The following CSMD1 variants were observed in gnomAD, a reference collection of about 807,000 sequenced individuals.
The protein encoded by CSMD1 is CUB and Sushi multiple domains 1, also known as CUB and sushi domain-containing protein 1.
CSMD1 carries 213 observed loss-of-function variants against 417.5 expected under a neutral mutation model. The observed-to-expected ratio is 0.51, with a 90% CI of 0.46 to 0.57. The LOEUF is 0.57. Ranked by LOEUF, CSMD1 falls within the 20% of genes least tolerant of loss-of-function variation. CSMD1 has a pLI of 0.00. For synonymous variants in CSMD1, 2,862 were observed against 1,736.8 expected (o/e 1.65, Z -16.11); for missense variants, 6,923 against 4,529.7 (o/e 1.53, Z -15.17).
chr8:4,070,748 C>G (rs921603452), intron 3 of CSMD1, among the ~76,000 whole-genome samples: 7 of 152,168 alleles, frequency 4.6e-5, no homozygotes, highest in Admixed American at 3.9e-4. Flanking sequence ...TCAGCATTTC[C>G]TCCACCACGA....
chr8:3,505,013 G>A (rs1392405618), intron 10 of CSMD1, among the ~76,000 whole-genome samples: 3 of 66,482 alleles, frequency 4.5e-5, no homozygotes, highest in African/African-American at 2.5e-4. Flanking sequence ...TGGAGAAACA[G>A]TTAAAAAAAA....
chr8:3,562,335 C>T (rs1347270648), intron 10 of CSMD1, among the ~76,000 whole-genome samples: 2 of 102,716 alleles, frequency 1.9e-5, no homozygotes, highest in East Asian at 5.1e-4. Flanking sequence ...CCTCTATCTG[C>T]ATCTTGGTCA....
At chr8:4,439,233 A>G in intron 2 of CSMD1, among the ~76,000 whole-genome samples, 1 of 152,282 alleles carries the variant, frequency 6.6e-6, no homozygotes, top group South Asian at 2.1e-4. Context: ...ACTTTATATG[A>G]AATATATTGC....
chr8:4,176,225 T>C (rs567086385), intron 3 of CSMD1, among the ~76,000 whole-genome samples: 2 of 152,072 alleles, frequency 1.3e-5, no homozygotes, highest in Admixed American at 6.5e-5. Context: ...GTAGGCTATA[T>C]AGCTTATGTA....
chr8:3,738,207 T>C (rs1406621226), intron 6 of CSMD1, among the ~76,000 whole-genome samples: 2 of 152,180 alleles, frequency 1.3e-5, no homozygotes, highest in African/African-American at 2.4e-5. Context: ...AAATAAATTA[T>C]ATGAAGTAGT....
chr8:4,035,399 A>AG (rs1161440605), intron 3 of CSMD1, among the ~76,000 whole-genome samples: 3 of 152,206 alleles, frequency 2.0e-5, no homozygotes, highest in Non-Finnish European at 2.9e-5. Flanking sequence ...TACTAAAAAA[A>AG]AATTACGATT....
At chr8:4,747,521 C>T (rs1274873607) in intron 1 of CSMD1, among the ~76,000 whole-genome samples, 1 of 152,152 alleles carries the variant, frequency 6.6e-6, no homozygotes, top group African/African-American at 2.4e-5. Flanking sequence ...CAAAGCAAAT[C>T]ACTACACTGA....
intron 3 of CSMD1, among the ~76,000 whole-genome samples, chr8:4,254,816 C>T (rs1470387072): frequency 6.6e-6 from 1 of 152,126 alleles, no homozygotes; most frequent in Admixed American, 6.5e-5. Flanking sequence ...CACCCCAGAG[C>T]CTAGGTGTGC....
intron 23 of CSMD1, among the ~76,000 whole-genome samples, chr8:3,331,211 C>A (rs1247820400): frequency 6.9e-6 from 1 of 145,048 alleles, no homozygotes; most frequent in African/African-American, 2.7e-5. Context: ...GCACTCCAGC[C>A]TGGCCGACAG....
chr8:3,768,831 G>C (rs553233889), intron 5 of CSMD1, among the ~76,000 whole-genome samples: 1 of 152,150 alleles, frequency 6.6e-6, no homozygotes, highest in Non-Finnish European at 1.5e-5. Context: ...CTTCCTTGGT[G>C]GATAGTCTAA....
chr8:3,477,569 T>C (rs572398829), intron 11 of CSMD1, among the ~76,000 whole-genome samples: 2 of 152,292 alleles, frequency 1.3e-5, no homozygotes, highest in South Asian at 4.1e-4. Flanking sequence ...CTCTTGAGGA[T>C]GGAGTAAAAT....
intron 3 of CSMD1, among the ~76,000 whole-genome samples, chr8:4,125,651 A>T (rs560084311): frequency 6.6e-6 from 1 of 152,164 alleles, no homozygotes; most frequent in East Asian, 1.9e-4. Context: ...AACCAACTCT[A>T]TGTTGCTTCT....
chr8:3,377,437 G>C (rs1336906057), intron 18 of CSMD1, among the ~76,000 whole-genome samples: 1 of 152,142 alleles, frequency 6.6e-6, no homozygotes, highest in African/African-American at 2.4e-5. Context: ...TATATCGACA[G>C]ACAATAAAGA....
chr8:4,625,973 C>G (rs1041663212), intron 2 of CSMD1, among the ~76,000 whole-genome samples: 1 of 152,124 alleles, frequency 6.6e-6, no homozygotes, highest in Non-Finnish European at 1.5e-5. Flanking sequence ...ATCTGCCCGC[C>G]TTGGTCTCCC....
chr8:3,647,761 AGAGAGAAAGAGT>A (rs1177107970), intron 7 of CSMD1, among the ~76,000 whole-genome samples: 1 of 152,210 alleles, frequency 6.6e-6, no homozygotes, highest in East Asian at 1.9e-4. Flanking sequence ...AGAGTGAGAC[AGAGAGAAAGAGT>A]GAGAGAAAGA....
At chr8:3,206,246 GGGGGGTA>G in intron 30 of CSMD1, among the ~76,000 whole-genome samples, 1 of 130,534 alleles carries the variant, frequency 7.7e-6, no homozygotes, top group Admixed American at 8.0e-5. Flanking sequence ...GTATGTGTGT[GGGGGGTA>G]TGTATGTGTG....
chr8:4,453,932 C>A (rs1180715891), intron 2 of CSMD1, among the ~76,000 whole-genome samples: 5 of 147,740 alleles, frequency 3.4e-5, no homozygotes, highest in Admixed American at 7.0e-5. Flanking sequence ...CAGCATTCTC[C>A]TGCCTCAGCC....
intron 4 of CSMD1, among the ~76,000 whole-genome samples, chr8:3,999,341 C>G (rs559209855): frequency 1.3e-5 from 2 of 152,242 alleles, no homozygotes; most frequent in South Asian, 2.1e-4. Flanking sequence ...ATCTTCGACC[C>G]TACCCACCCT....
chr8:2,950,159 T>C (rs1331521615), intron 67 of CSMD1, 72 bp downstream of exon 67: 5 of 990,500 alleles, frequency 5.0e-6, no homozygotes, highest in African/African-American at 1.6e-5. Context: ...CTCCAATCCG[T>C]AGCCCTTGCA....
Sources: gnomAD v4.1 joint callset for allele counts (sites outside exome capture counted in the v4.1 genomes callset) on GRCh38, gnomAD v4.1.1 for gene constraint, MANE v1.5 for transcripts, NCBI Gene and HGNC (gene_info 2026-07-23, HGNC 2026-07-21) for gene names.